The following AFF1 variants were observed in gnomAD, a reference collection of about 807,000 sequenced individuals.
AFF1 encodes the protein ALF transcription elongation factor 1.
In AFF1, 48 loss-of-function variants were observed where a neutral mutation model predicts 121.7. The ratio of observed to expected loss-of-function variants is 0.39; its 90% confidence interval spans 0.31 to 0.50. The LOEUF (loss-of-function observed/expected upper bound fraction) is 0.50. Among genes scored for constraint, AFF1 ranks in the 20% least tolerant of loss-of-function variants. The pLI, the probability that AFF1 is intolerant of heterozygous loss-of-function variation, is 0.76. For synonymous variants in AFF1, 613 were observed against 563.0 expected (o/e 1.09, Z -1.26); for missense variants, 1,523 against 1,511.7 (o/e 1.01, Z -0.12).
At chr4:86,951,983 C>T (rs912513439) in intron 2 of AFF1, among the ~76,000 whole-genome samples, 4 of 151,020 alleles carry the variant, frequency 2.6e-5, no homozygotes, top group Non-Finnish European at 4.4e-5. Flanking sequence ...TATTAAATCA[C>T]CTGTCTTTTC....
chr4:86,961,351 T>G (rs1722129166), intron 2 of AFF1, among the ~76,000 whole-genome samples: 1 of 152,166 alleles, frequency 6.6e-6, no homozygotes, highest in Non-Finnish European at 1.5e-5. Context: ...CTGTTCCCTT[T>G]TTGTCTTTGT....
At chr4:86,979,544 A>G (rs888406517) in intron 2 of AFF1, among the ~76,000 whole-genome samples, 4 of 152,238 alleles carry the variant, frequency 2.6e-5, no homozygotes, top group African/African-American at 9.6e-5. Flanking sequence ...GAGGATTTCA[A>G]TAGTCCTTTT....
At chr4:87,131,680 A>T in intron 17 of AFF1, 113 bp from the exon 18 acceptor site, 1 of 939,740 alleles carries the variant, frequency 1.1e-6, no homozygotes, top group African/African-American at 1.7e-5. Flanking sequence ...TTTTCCTGTG[A>T]TGCTCTCATC....
At chr4:87,059,283 A>G (rs1467403850) in intron 4 of AFF1, among the ~76,000 whole-genome samples, 3 of 152,202 alleles carry the variant, frequency 2.0e-5, no homozygotes, top group African/African-American at 7.2e-5. Flanking sequence ...CCTGTCTAAA[A>G]TGGATTTTTT....
At chr4:86,985,817 C>G (rs1724209413) in intron 2 of AFF1, among the ~76,000 whole-genome samples, 1 of 151,538 alleles carries the variant, frequency 6.6e-6, no homozygotes, top group Non-Finnish European at 1.5e-5. Context: ...TTTGAATAAG[C>G]TGTAACTCAG....
intron 2 of AFF1, among the ~76,000 whole-genome samples, chr4:86,974,460 A>G (rs889496349): frequency 7.9e-5 from 12 of 151,718 alleles, no homozygotes; most frequent in Non-Finnish European, 1.3e-4. Context: ...CAACTCATTT[A>G]TTTAAATTTT....
At chr4:87,005,605 G>A (rs1033226486) in intron 2 of AFF1, among the ~76,000 whole-genome samples, 4 of 152,190 alleles carry the variant, frequency 2.6e-5, no homozygotes, top group Non-Finnish European at 5.9e-5. Flanking sequence ...TGAAAAAAAA[G>A]CTAGCTCAGC....
At chr4:87,091,667 T>G in intron 6 of AFF1, 126 bp from the exon 7 acceptor site, 1 of 652,108 alleles carries the variant, frequency 1.5e-6, no homozygotes. Flanking sequence ...CTACACTGTT[T>G]CCATTTTTCT....
rs887051197 is a variant in AFF1, at chr4:87,135,995, T to A, written c.*294T>A. 1 of 320,490 alleles carries A rather than the reference T, an allele frequency of 3.1e-6. No individual in the cohort carries two copies. The highest frequency in any genetic ancestry group is 2.1e-5 in the African/African-American group (1 of 47,430). The allele number at this position is 320,490 out of a possible 1,614,324, so 19.9% of individuals were successfully genotyped here. On this transcript the variant is annotated 3_prime_UTR_variant, in exon 21 of 21. Coordinates refer to ENST00000395146, the MANE Select transcript of AFF1 (RefSeq NM_001166693.3). ...GGGTGTATGAATGGTCTAGAAACAT[T>A]TCTATTTTTTTTTTAAACCAGCAGG... is the stretch of plus-strand genomic sequence containing the variant.
At chr4:87,010,995 C>T (rs905897366) in intron 2 of AFF1, among the ~76,000 whole-genome samples, 3 of 146,952 alleles carry the variant, frequency 2.0e-5, no homozygotes, top group East Asian at 2.1e-4. Flanking sequence ...AGGAGAATGG[C>T]GTGAACCTGG....
chr4:87,036,837 T>C (rs340629), intron 2 of AFF1: 450,378 of 475,824 alleles, frequency 0.95, 213,920 homozygotes, highest in Non-Finnish European at 0.98. Context: ...CCCTCCCCCA[T>C]CCCCCCTTTT....
intron 12 of AFF1, 44 bp from the exon 13 acceptor site, chr4:87,124,993 A>G (rs1479618407): frequency 6.8e-7 from 1 of 1,479,782 alleles, no homozygotes; most frequent in South Asian, 1.3e-5. Context: ...TTGTCTGTAC[A>G]ATTATGTTGG....
chr4:87,128,774 A>G (rs1475890675), intron 16 of AFF1, among the ~76,000 whole-genome samples: 1 of 152,240 alleles, frequency 6.6e-6, no homozygotes, highest in Non-Finnish European at 1.5e-5. Flanking sequence ...AGTCAAAGAC[A>G]AGCCTCTCTA....
chr4:87,012,381 T>A (rs527361923), intron 2 of AFF1, among the ~76,000 whole-genome samples: 2 of 152,302 alleles, frequency 1.3e-5, no homozygotes, highest in South Asian at 4.1e-4. Flanking sequence ...AAATACAATA[T>A]GCACCTCTAG....
rs1255185843 is a variant in AFF1 at position 87,136,290 on chromosome 4, C to T, written c.*589C>T. The T allele has an allele frequency of 4.3e-6, 1 of 231,830 alleles. No individual in the cohort carries two copies. Among genetic ancestry groups the T allele is most frequent in the East Asian group, 6.1e-5 (1 of 16,408 alleles). 14.4% of individuals were successfully genotyped at this position (231,830 alleles called of 1,614,324 possible). A position where few individuals can be genotyped will look rare whatever the true frequency, so the allele number is the denominator to read the frequency against. ...CCAATGAACAGTGGCTTGATAATAC[C>T]AAGTATTGTTGTAATTTATAAAATT... On this transcript the variant is annotated 3_prime_UTR_variant, in exon 21 of 21. Transcript: ENST00000395146.
At chr4:87,092,736 T>G (rs1473972985) in intron 7 of AFF1, among the ~76,000 whole-genome samples, 1 of 152,226 alleles carries the variant, frequency 6.6e-6, no homozygotes, top group Non-Finnish European at 1.5e-5. Flanking sequence ...AAAGAAGTCA[T>G]AACTAAAATT....
At chr4:87,003,904 G>T (rs928253581) in intron 2 of AFF1, among the ~76,000 whole-genome samples, 1 of 152,176 alleles carries the variant, frequency 6.6e-6, no homozygotes. Flanking sequence ...GAAAATAAAT[G>T]TTGGCCAATT....
chr4:87,041,839 A>G (rs1730188518), intron 2 of AFF1, among the ~76,000 whole-genome samples: 1 of 151,892 alleles, frequency 6.6e-6, no homozygotes, highest in African/African-American at 2.4e-5. Context: ...ACTTGGTGAA[A>G]CCCTGTCTCT....
rs367930735 is a variant in AFF1 at position 87,126,146 on chromosome 4, C to G, written c.2621C>G (p.Pro874Arg). ...TCCTCAAAGAAGGAAATGCTCCCCC[C>G]GCCACCCGTGTCCTCGTCCTCCCAG... ...SQSSKKEMLP[P>R]PPVSSSSQKP... Residue 874 changes from proline (P) to arginine (R), a missense_variant, in exon 14 of 21, where the codon CCG becomes CGG. Physicochemically the swap from Pro to Arg is moderately radical, Grantham distance 103. Transcript: ENST00000395146. 6.8e-6 allele frequency: 11 copies of G among 1,614,176 alleles called. No homozygotes were observed. Among genetic ancestry groups the G allele is most frequent in the Middle Eastern group, 1.7e-4 (1 of 6,060 alleles).
Sources: allele counts gnomAD v4.1 joint callset (sites outside exome capture counted in the v4.1 genomes callset), GRCh38; gene constraint gnomAD v4.1.1; transcripts MANE v1.5; gene names NCBI Gene and HGNC (gene_info 2026-07-23, HGNC 2026-07-21).